Variants in GRID2 observed in about 807,000 individuals in gnomAD.
GRID2 encodes glutamate receptor ionotropic, delta-2.
Under a neutral mutation model 114.8 loss-of-function variants are expected in GRID2, and 33 were observed. The observed-to-expected ratio is 0.29, with a 90% CI of 0.22 to 0.38. GRID2 has a LOEUF of 0.38. Ranked by LOEUF, GRID2 falls within the 10% of genes least tolerant of loss-of-function variation. The pLI, the probability that GRID2 is intolerant of heterozygous loss-of-function variation, is 1.00. For synonymous variants in GRID2, 505 were observed against 449.9 expected (o/e 1.12, Z -1.55); for missense variants, 1,184 against 1,257.7 (o/e 0.94, Z 0.89).
chr4:93,643,978 A>C lies in GRID2; in HGVS notation c.2360+17543A>C, dbSNP rs1560853263. 2.0e-5 allele frequency among the ~76,000 whole-genome samples: 2 copies of C among 99,650 alleles called. 1 individual carries two copies. The highest frequency in any genetic ancestry group is 3.9e-5 in the Non-Finnish European group (2 of 50,834). 65.4% of individuals were successfully genotyped at this position (99,650 alleles called of 152,430 possible). A position where few individuals can be genotyped will look rare whatever the true frequency, so the allele number is the denominator to read the frequency against. Reference sequence around the variant, plus strand: ...GCAATCCGCGAGATTCCGTGGGCGTAGGACCCTCCGAGCCAGGTGTGGGAT... The same window carrying C: ...GCAATCCGCGAGATTCCGTGGGCGTCGGACCCTCCGAGCCAGGTGTGGGAT... On this transcript the variant is annotated intron_variant, in intron 14 of 15. Coordinates refer to ENST00000282020, the MANE Select transcript of GRID2 (RefSeq NM_001510.4).
At chr4:93,311,981 T>A (rs1037539676) in intron 8 of GRID2, among the ~76,000 whole-genome samples, 1 of 152,186 alleles carries the variant, frequency 6.6e-6, no homozygotes, top group Non-Finnish European at 1.5e-5. Flanking sequence ...AAATTCATAA[T>A]GTAGAAATGT....
At chr4:93,227,624 T>C (rs542993066) in intron 7 of GRID2, among the ~76,000 whole-genome samples, 1 of 152,328 alleles carries the variant, frequency 6.6e-6, no homozygotes, top group African/African-American at 2.4e-5. Context: ...TTTAAGTCGT[T>C]TATTTTTCTC....
chr4:92,477,204 A>AT lies in GRID2; in HGVS notation c.89-112918dup, dbSNP rs199988914. Among the ~76,000 whole-genome samples, 433 of 150,850 alleles carry AT rather than the reference A, an allele frequency of 2.9e-3. 10 individuals carry two copies. The East Asian group carries it at 0.072, about 25-fold the overall frequency. On this transcript the variant is annotated intron_variant, in intron 1 of 15. Coordinates refer to ENST00000282020, the MANE Select transcript of GRID2 (RefSeq NM_001510.4). ...AGGCACTTGAAAACTCTAGCACAAT[A>AT]TTTTTTTTTAACTGTAACTGTTTTG...
chr4:93,596,913 C>A (rs930558687), intron 13 of GRID2, among the ~76,000 whole-genome samples: 2 of 152,122 alleles, frequency 1.3e-5, no homozygotes, highest in East Asian at 1.9e-4. Flanking sequence ...CAAAATATAT[C>A]TGGCTTAATA....
intron 13 of GRID2, among the ~76,000 whole-genome samples, chr4:93,589,300 TGTTTG>T (rs1737896603): frequency 6.7e-6 from 1 of 149,818 alleles, no homozygotes; most frequent in Non-Finnish European, 1.5e-5. Context: ...GAATATGTGG[TGTTTG>T]GTTTTTTTGT....
intron 1 of GRID2, among the ~76,000 whole-genome samples, chr4:92,541,154 GA>G (rs1335741073): frequency 2.6e-5 from 4 of 152,036 alleles, no homozygotes; most frequent in Non-Finnish European, 5.9e-5. Flanking sequence ...AGGGTGGGGA[GA>G]GGGGGGAGGG....
chr4:93,752,973 A>G (rs567996485), intron 14 of GRID2, among the ~76,000 whole-genome samples: 2 of 152,266 alleles, frequency 1.3e-5, no homozygotes, highest in East Asian at 1.9e-4. Context: ...CTGACTTATC[A>G]TAAGTGGAAG....
chr4:93,527,410 G>A (rs942302985), intron 13 of GRID2, among the ~76,000 whole-genome samples: 1 of 151,938 alleles, frequency 6.6e-6, no homozygotes, highest in Non-Finnish European at 1.5e-5. Flanking sequence ...AGTGTTTGGG[G>A]GAAATAAATA....
At chr4:93,109,055 T>C (rs1732529131) in intron 3 of GRID2, among the ~76,000 whole-genome samples, 2 of 152,328 alleles carry the variant, frequency 1.3e-5, no homozygotes, top group South Asian at 4.1e-4. Context: ...ATGTACATAG[T>C]CTTGTTATTG....
intron 1 of GRID2, among the ~76,000 whole-genome samples, chr4:92,361,382 A>T (rs149089472): frequency 6.6e-6 from 1 of 152,164 alleles, no homozygotes; most frequent in East Asian, 1.9e-4. Flanking sequence ...GGAAATATTC[A>T]ATGTAAATTG....
chr4:93,326,287 T>G (rs1362563471), intron 8 of GRID2, among the ~76,000 whole-genome samples: 1 of 152,168 alleles, frequency 6.6e-6, no homozygotes, highest in African/African-American at 2.4e-5. Flanking sequence ...TAACTTTTGT[T>G]ATTGCCCCAC....
At chr4:92,498,376 A>G (rs2149120470) in intron 1 of GRID2, among the ~76,000 whole-genome samples, 1 of 152,022 alleles carries the variant, frequency 6.6e-6, no homozygotes, top group African/African-American at 2.4e-5. Context: ...GTAAGAGCAT[A>G]TATGTGCCAA....
chr4:93,007,912 G>A (rs1203848043), intron 2 of GRID2, among the ~76,000 whole-genome samples: 1 of 151,324 alleles, frequency 6.6e-6, no homozygotes, highest in African/African-American at 2.4e-5. Flanking sequence ...ATCATGGTGG[G>A]CACCTATAAT....
chr4:93,784,678 C>CACACCAT (rs1561002870), intron 1 of GRID2, among the ~76,000 whole-genome samples: 1 of 118,210 alleles, frequency 8.5e-6, no homozygotes, highest in Non-Finnish European at 1.7e-5. Flanking sequence ...ACACACACCA[C>CACACCAT]GGTATCGCAG....
intron 1 of GRID2, among the ~76,000 whole-genome samples, chr4:92,440,935 A>T (rs28877577): frequency 5.3e-5 from 8 of 151,252 alleles, no homozygotes; most frequent in African/African-American, 2.0e-4. Flanking sequence ...AAAGTATATG[A>T]ATCAGGTATG....
At chr4:93,368,818 C>A (rs553402734) in intron 8 of GRID2, among the ~76,000 whole-genome samples, 235 of 152,140 alleles carry the variant, frequency 1.5e-3, no homozygotes, top group Middle Eastern at 3.4e-3. Flanking sequence ...AGAAGATAAC[C>A]TGGAAAAATT....
intron 2 of GRID2, among the ~76,000 whole-genome samples, chr4:92,971,184 A>T (rs1225306297): frequency 6.6e-6 from 1 of 152,102 alleles, no homozygotes; most frequent in Non-Finnish European, 1.5e-5. Context: ...GATAAGCTTT[A>T]GAAATAAATC....
chr4:92,596,150 T>C (rs1481856097), intron 2 of GRID2, among the ~76,000 whole-genome samples: 1 of 152,160 alleles, frequency 6.6e-6, no homozygotes, highest in East Asian at 1.9e-4. Context: ...TGTCTGACAA[T>C]AAACTAAACT....
chr4:93,084,277 A>G (rs1730137576), intron 2 of GRID2, among the ~76,000 whole-genome samples: 1 of 152,182 alleles, frequency 6.6e-6, no homozygotes, highest in Non-Finnish European at 1.5e-5. Context: ...GAAGAGTTAA[A>G]GTGAAATAAA....
Sources: allele counts gnomAD v4.1 joint callset (sites outside exome capture counted in the v4.1 genomes callset), GRCh38; gene constraint gnomAD v4.1.1; transcripts MANE v1.5; gene names NCBI Gene and HGNC (gene_info 2026-07-23, HGNC 2026-07-21).